The following ADAMTSL1 variants were observed in gnomAD, a reference collection of about 807,000 sequenced individuals.
The protein encoded by ADAMTSL1 is ADAMTS like 1.
In ADAMTSL1, 126 loss-of-function variants were observed where a neutral mutation model predicts 201.8. That is an observed-to-expected ratio of 0.62 (90% confidence interval 0.54 to 0.72). ADAMTSL1 has a LOEUF of 0.72. Among genes scored for constraint, ADAMTSL1 ranks in the 30% least tolerant of loss-of-function variants. The probability of loss-of-function intolerance (pLI) is 0.00; values close to 1 mark genes in which losing one functional copy is unlikely to be tolerated. For synonymous variants in ADAMTSL1, 1,121 were observed against 903.4 expected (o/e 1.24, Z -4.32); for missense variants, 2,679 against 2,277.8 (o/e 1.18, Z -3.59).
At chr9:18,437,317 A>T (rs1299798621) in intron 2 of ADAMTSL1, among the ~76,000 whole-genome samples, 1 of 152,066 alleles carries the variant, frequency 6.6e-6, no homozygotes, top group Admixed American at 6.6e-5. Flanking sequence ...TACATCATTC[A>T]TATATCTTGT....
In ADAMTSL1 at chr9:18,372,726, G is replaced by A. The variant is rs147008003; in HGVS notation, c.208-132103G>A. Reference sequence around the variant, plus strand: ...AATTGAAGGCTTGCTCCCATCTATCGTAGAGATAATACAGTAATGAAGGCT... The same window carrying A: ...AATTGAAGGCTTGCTCCCATCTATCATAGAGATAATACAGTAATGAAGGCT... On this transcript the variant is annotated intron_variant, in intron 2 of 29. Coordinates refer to the ADAMTSL1 transcript ENST00000680146. Among the ~76,000 whole-genome samples, 180 of 152,248 alleles carry A rather than the reference G, an allele frequency of 1.2e-3. 1 individual carries two copies. The highest frequency in any genetic ancestry group is 3.4e-3 in the African/African-American group (143 of 41,548).
chr9:18,853,097 C>T lies in ADAMTSL1; in HGVS notation c.4249+23120C>T, dbSNP rs1826603861. On this transcript the variant is annotated intron_variant, in intron 23 of 28. Coordinates refer to ENST00000380548, the MANE Select transcript of ADAMTSL1 (RefSeq NM_001040272.6). ...GCTGGCTGTCCTGGAGAGTGCTGTT[C>T]ATAAAATGCAATGACCTCATGGCAT... Among the ~76,000 whole-genome samples the T allele has an allele frequency of 1.3e-5, 2 of 152,116 alleles. 1 individual carries two copies. The highest frequency in any genetic ancestry group is 4.1e-4 in the South Asian group (2 of 4,822).
At chr9:18,374,459 A>T (rs562489425) in intron 2 of ADAMTSL1, among the ~76,000 whole-genome samples, 2 of 151,702 alleles carry the variant, frequency 1.3e-5, no homozygotes, top group Non-Finnish European at 2.9e-5. Flanking sequence ...TCAGCCTCCA[A>T]GTAGCTGGGA....
chr9:18,322,410 C>G (rs1489568230), intron 2 of ADAMTSL1, among the ~76,000 whole-genome samples: 10 of 152,072 alleles, frequency 6.6e-5, no homozygotes, highest in Middle Eastern at 3.4e-3. Context: ...AGGTGGGTGG[C>G]TCATCTGAGG....
intron 23 of ADAMTSL1, among the ~76,000 whole-genome samples, chr9:18,853,889 C>CTG (rs71333070): frequency 0.13 from 15,308 of 120,208 alleles, 933 homozygotes; most frequent in Middle Eastern, 0.26. Flanking sequence ...TATTCACTCT[C>CTG]TGTGTGTGTG....
chr9:18,417,001 A>G (rs1217145973), intron 2 of ADAMTSL1, among the ~76,000 whole-genome samples: 2 of 152,010 alleles, frequency 1.3e-5, no homozygotes, highest in African/African-American at 2.4e-5. Flanking sequence ...AATTACCTCA[A>G]TAGACTGTAT....
chr9:18,847,863 C>A (rs1177104548), intron 23 of ADAMTSL1, among the ~76,000 whole-genome samples: 1 of 152,178 alleles, frequency 6.6e-6, no homozygotes, highest in Non-Finnish European at 1.5e-5. Flanking sequence ...TAAATGGTCA[C>A]TTTAAAGCAA....
intron 2 of ADAMTSL1, among the ~76,000 whole-genome samples, chr9:18,238,659 A>C (rs1563828211): frequency 6.6e-6 from 1 of 152,216 alleles, no homozygotes; most frequent in Non-Finnish European, 1.5e-5. Context: ...GAAAGAGAGC[A>C]CTGAAAGGAA....
intron 2 of ADAMTSL1, among the ~76,000 whole-genome samples, chr9:18,462,290 T>A (rs542977767): frequency 9.2e-5 from 14 of 152,192 alleles, no homozygotes; most frequent in Non-Finnish European, 1.8e-4. Context: ...AACTCCTGTA[T>A]AGAAATGAAT....
At chr9:18,759,718 C>T (rs908922784) in intron 16 of ADAMTSL1, among the ~76,000 whole-genome samples, 18 of 152,156 alleles carry the variant, frequency 1.2e-4, no homozygotes, top group African/African-American at 4.3e-4. Context: ...GCATAATTGC[C>T]CTGATTTTGA....
intron 1 of ADAMTSL1, among the ~76,000 whole-genome samples, chr9:18,485,449 TTACTCC>T (rs1563988984): frequency 1.3e-5 from 2 of 152,172 alleles, no homozygotes; most frequent in Admixed American, 1.3e-4. Flanking sequence ...CAAGACAGTC[TTACTCC>T]CCAGGAAGCT....
At chr9:18,437,707 GACAA>G (rs1563960783) in intron 2 of ADAMTSL1, among the ~76,000 whole-genome samples, 1 of 151,978 alleles carries the variant, frequency 6.6e-6, no homozygotes, top group African/African-American at 2.4e-5. Flanking sequence ...TCTTCTCAGT[GACAA>G]ACAAAGCTCT....
chr9:18,092,259 C>T (rs1824055911), intron 1 of ADAMTSL1, among the ~76,000 whole-genome samples: 1 of 151,968 alleles, frequency 6.6e-6, no homozygotes, highest in South Asian at 2.1e-4. Context: ...ATGACAAAAG[C>T]TATAAGGTAC....
At chr9:18,662,966 A>G (rs1229346676) in intron 9 of ADAMTSL1, among the ~76,000 whole-genome samples, 1 of 151,970 alleles carries the variant, frequency 6.6e-6, no homozygotes, top group East Asian at 1.9e-4. Context: ...TCATTTTCAA[A>G]CTCCTTGGAT....
chr9:18,664,283 G>C (rs779580200), intron 9 of ADAMTSL1, among the ~76,000 whole-genome samples: 6 of 152,008 alleles, frequency 3.9e-5, no homozygotes, highest in Non-Finnish European at 8.8e-5. Flanking sequence ...AATTCTAAGA[G>C]AAAATGAGAA....
At chr9:18,070,493 T>C (rs1004646947) in intron 1 of ADAMTSL1, among the ~76,000 whole-genome samples, 6 of 152,164 alleles carry the variant, frequency 3.9e-5, no homozygotes, top group Admixed American at 1.3e-4. Context: ...GGAATAGGAA[T>C]GTATGAGTAA....
chr9:18,461,463 TCA>T (rs762335099), intron 2 of ADAMTSL1, among the ~76,000 whole-genome samples: 51 of 152,176 alleles, frequency 3.4e-4, no homozygotes, highest in Non-Finnish European at 7.4e-5. Flanking sequence ...ATGCATTACC[TCA>T]CATACATTAT....
chr9:18,235,797 A>G (rs543135447), intron 2 of ADAMTSL1, among the ~76,000 whole-genome samples: 2 of 152,290 alleles, frequency 1.3e-5, no homozygotes, highest in East Asian at 3.9e-4. Flanking sequence ...AAGATACAGT[A>G]GAAAGGCCAA....
chr9:18,188,914 C>T (rs1828854717), intron 2 of ADAMTSL1, among the ~76,000 whole-genome samples: 1 of 152,136 alleles, frequency 6.6e-6, no homozygotes, highest in South Asian at 2.1e-4. Context: ...GAAAGGATCT[C>T]CATTCAACTA....
Sources: gnomAD v4.1 joint callset for allele counts (sites outside exome capture counted in the v4.1 genomes callset) on GRCh38, gnomAD v4.1.1 for gene constraint, MANE v1.5 for transcripts, NCBI Gene and HGNC (gene_info 2026-07-23, HGNC 2026-07-21) for gene names.